FSTL5: variants seen among roughly 807,000 people sequenced by gnomAD.
FSTL5 encodes the protein follistatin-related protein 5.
A neutral mutation model predicts 89.1 loss-of-function variants in FSTL5; 62 were observed. The observed-to-expected ratio is 0.70, with a 90% CI of 0.57 to 0.86. FSTL5 has a LOEUF of 0.86. Ranked by LOEUF, FSTL5 falls within the 40% of genes least tolerant of loss-of-function variation. The pLI is 0.00. For missense variants in FSTL5, 1,057 were observed against 1,001.6 expected (o/e 1.06, Z -0.75); for synonymous variants, 383 against 346.2 (o/e 1.11, Z -1.18).
At chr4:161,941,555 G>C (rs1465842620) in intron 3 of FSTL5, among the ~76,000 whole-genome samples, 1 of 151,690 alleles carries the variant, frequency 6.6e-6, no homozygotes, top group African/African-American at 2.4e-5. Context: ...AGACAAATAA[G>C]AACATTATAT....
chr4:161,664,529 C>T (rs572661375), intron 6 of FSTL5, among the ~76,000 whole-genome samples: 1 of 152,140 alleles, frequency 6.6e-6, no homozygotes, highest in East Asian at 1.9e-4. Context: ...CTGAGACCAC[C>T]TCAGCCTGGA....
At chr4:161,596,538 A>T (rs10034886) in intron 7 of FSTL5, among the ~76,000 whole-genome samples, 101,528 of 151,714 alleles carry the variant, frequency 0.67, 34,243 homozygotes, top group African/African-American at 0.74. Flanking sequence ...GGTTCTAATA[A>T]CTTCAAATTA....
intron 3 of FSTL5, among the ~76,000 whole-genome samples, chr4:161,999,572 C>G (rs1043892792): frequency 1.1e-4 from 17 of 152,092 alleles, no homozygotes; most frequent in African/African-American, 4.1e-4. Context: ...TATTTGTACT[C>G]ATCAGCAAAT....
rs1738721314 is a variant in FSTL5 at position 162,061,647 on chromosome 4, A to C, written c.127-27989T>G. On this transcript the variant is annotated intron_variant, in intron 2 of 15. Transcript: ENST00000306100. Reference sequence around the variant, plus strand: ...GAAAATGTAACACATTTTGTTCAAAAATTAAGAATTTTAAGATGATGACAG... The same window carrying C: ...GAAAATGTAACACATTTTGTTCAAACATTAAGAATTTTAAGATGATGACAG... Among the ~76,000 whole-genome samples, 3 of 152,092 alleles carry C rather than the reference A, an allele frequency of 2.0e-5. No individual in the cohort carries two copies. In the South Asian group the frequency reaches 6.2e-4, roughly 31 times the overall value.
At chr4:161,853,327 G>A (rs552861973) in intron 4 of FSTL5, among the ~76,000 whole-genome samples, 1 of 152,002 alleles carries the variant, frequency 6.6e-6, no homozygotes, top group African/African-American at 2.4e-5. Context: ...GCGTGCAGTG[G>A]CACGATCTCG....
At chr4:161,719,028 T>C (rs1739101153) in intron 6 of FSTL5, among the ~76,000 whole-genome samples, 1 of 152,216 alleles carries the variant, frequency 6.6e-6, no homozygotes, top group Non-Finnish European at 1.5e-5. Flanking sequence ...AGTTGGGATA[T>C]ATTGATCGAA....
intron 4 of FSTL5, among the ~76,000 whole-genome samples, chr4:161,904,725 A>G (rs1483916544): frequency 6.6e-6 from 1 of 151,962 alleles, no homozygotes; most frequent in Non-Finnish European, 1.5e-5. Context: ...TTTGAGAATT[A>G]ACACCAATAT....
At chr4:161,917,889 A>G (rs572694491) in intron 4 of FSTL5, among the ~76,000 whole-genome samples, 1 of 152,314 alleles carries the variant, frequency 6.6e-6, no homozygotes, top group Admixed American at 6.5e-5. Flanking sequence ...GATTTGGCCA[A>G]TAGTTTTTTA....
intron 7 of FSTL5, among the ~76,000 whole-genome samples, chr4:161,608,660 G>T (rs1005449799): frequency 2.6e-5 from 4 of 151,872 alleles, no homozygotes; most frequent in South Asian, 2.1e-4. Context: ...TAGAGTAAAT[G>T]CAGTATAATT....
At chr4:162,008,487 G>A (rs1380108180) in intron 3 of FSTL5, among the ~76,000 whole-genome samples, 1 of 151,746 alleles carries the variant, frequency 6.6e-6, no homozygotes, top group Non-Finnish European at 1.5e-5. Flanking sequence ...ATGCAATAGG[G>A]AAATCACGTT....
chr4:161,386,466 T>C lies in FSTL5; in HGVS notation c.1842-17A>G, dbSNP rs1352305623. 1.9e-6 allele frequency: 3 copies of C among 1,560,596 alleles called. No homozygotes were observed. In the Admixed American group the frequency reaches 5.4e-5, roughly 28 times the overall value. ...AATCCAAACCTGAAAAAAATGAAAA[T>C]CAGAGTTAGACAGGAAGCAATGGAG... On this transcript the variant is annotated splice_polypyrimidine_tract_variant and intron_variant, in intron 15 of 15. Transcript: ENST00000306100.
intron 7 of FSTL5, among the ~76,000 whole-genome samples, chr4:161,633,158 A>C (rs565049220): frequency 7.2e-5 from 11 of 151,896 alleles, no homozygotes; most frequent in African/African-American, 2.7e-4. Flanking sequence ...GAAGTTGCTA[A>C]ATTTATTAAA....
intron 4 of FSTL5, among the ~76,000 whole-genome samples, chr4:161,832,476 T>C (rs1224166496): frequency 6.6e-6 from 1 of 152,156 alleles, no homozygotes; most frequent in African/African-American, 2.4e-5. Context: ...TCCTTGTACT[T>C]CTGGTAGAAT....
chr4:161,951,930 G>A (rs571528919), intron 3 of FSTL5, among the ~76,000 whole-genome samples: 10 of 151,942 alleles, frequency 6.6e-5, no homozygotes, highest in South Asian at 6.2e-4. Flanking sequence ...CACATTTTAC[G>A]AGAAAGATTT....
At chr4:162,091,255 G>T (rs1410936692) in intron 2 of FSTL5, among the ~76,000 whole-genome samples, 1 of 152,118 alleles carries the variant, frequency 6.6e-6, no homozygotes, top group Non-Finnish European at 1.5e-5. Flanking sequence ...TTGCTTGATA[G>T]ATTATCCATT....
rs1266584986 is a variant in FSTL5, at chr4:161,500,110, T to C, written c.1364A>G (p.Tyr455Cys). 4.4e-6 allele frequency: 7 copies of C among 1,600,226 alleles called. No homozygotes were observed. The highest frequency in any genetic ancestry group is 1.3e-5 in the African/African-American group (1 of 74,688). The change falls in exon 12 of 16, where the codon TAT (tyrosine) becomes TGT (cysteine). Residue 455 changes from tyrosine to cysteine, a missense_variant. Coordinates refer to ENST00000306100, the MANE Select transcript of FSTL5 (RefSeq NM_020116.5). ...EEGLGIGNMFYVFYEDGIKVI... is the reference protein window; with the variant it reads ...EEGLGIGNMFCVFYEDGIKVI... ...TTTGATTCCATCTTCATAAAAAACA[T>C]AGAACATGTTCCCAATTCCCAGACC...
intron 7 of FSTL5, among the ~76,000 whole-genome samples, chr4:161,622,852 A>G (rs1318025502): frequency 6.6e-6 from 1 of 152,102 alleles, no homozygotes; most frequent in African/African-American, 2.4e-5. Flanking sequence ...AAGTAGTACA[A>G]TTTGTACTCC....
At chr4:161,632,594 C>A (rs774080907) in intron 7 of FSTL5, among the ~76,000 whole-genome samples, 1 of 152,108 alleles carries the variant, frequency 6.6e-6, no homozygotes, top group Non-Finnish European at 1.5e-5. Flanking sequence ...ACAATTATAA[C>A]TTGTGCATTT....
intron 15 of FSTL5, among the ~76,000 whole-genome samples, chr4:161,438,209 T>TAGC (rs1732638547): frequency 1.3e-5 from 2 of 152,210 alleles, no homozygotes; most frequent in African/African-American, 4.8e-5. Context: ...TTAACTTAAA[T>TAGC]AGCTGTCTAT....
Sources: allele counts gnomAD v4.1 joint callset (sites outside exome capture counted in the v4.1 genomes callset), GRCh38; gene constraint gnomAD v4.1.1; transcripts MANE v1.5; gene names NCBI Gene and HGNC (gene_info 2026-07-23, HGNC 2026-07-21).